The following KIAA0319 variants were observed in gnomAD, a reference collection of about 807,000 sequenced individuals.
KIAA0319 encodes the protein dyslexia-associated protein KIAA0319.
KIAA0319 carries 83 observed loss-of-function variants against 108.4 expected under a neutral mutation model. That is an observed-to-expected ratio of 0.77 (90% CI 0.64 to 0.92). The LOEUF is 0.92. Among genes scored for constraint, KIAA0319 ranks in the 40% least tolerant of loss-of-function variants. KIAA0319 has a pLI of 0.00. For missense variants in KIAA0319, 1,195 were observed against 1,322.4 expected (o/e 0.90, Z 1.49); for synonymous variants, 484 against 510.4 (o/e 0.95, Z 0.70).
intron 10 of KIAA0319, 57 bp downstream of exon 10, chr6:24,576,311 G>T: frequency 7.3e-7 from 1 of 1,378,018 alleles, no homozygotes; most frequent in Non-Finnish European, 1.0e-6. Context: ...ATAGCACATA[G>T]CTAGGTAGAC....
chr6:24,574,690 G>A (rs1056112016), intron 10 of KIAA0319, among the ~76,000 whole-genome samples: 2 of 152,022 alleles, frequency 1.3e-5, no homozygotes, highest in African/African-American at 4.8e-5. Context: ...ATGTTTCTAT[G>A]TGTATTTTTT....
intron 1 of KIAA0319, among the ~76,000 whole-genome samples, chr6:24,614,564 C>A (rs1772875400): frequency 6.6e-6 from 1 of 151,898 alleles, no homozygotes; most frequent in African/African-American, 2.4e-5. Context: ...GAAAAAAAAA[C>A]AATTAAATAT....
At chr6:24,581,661 G>C (rs1467585059) in intron 6 of KIAA0319, among the ~76,000 whole-genome samples, 1 of 152,192 alleles carries the variant, frequency 6.6e-6, no homozygotes, top group Admixed American at 6.5e-5. Flanking sequence ...TGCAAGGAGA[G>C]CAAGAGTTAC....
chr6:24,572,777 T>A, intron 10 of KIAA0319, 79 bp from the exon 11 acceptor site: 3 of 1,320,006 alleles, frequency 2.3e-6, no homozygotes, highest in Non-Finnish European at 3.0e-6. Flanking sequence ...TATGACAGAA[T>A]GAAAAACTAA....
intron 2 of KIAA0319, among the ~76,000 whole-genome samples, chr6:24,597,651 C>G (rs1433087744): frequency 2.6e-5 from 4 of 152,218 alleles, no homozygotes; most frequent in Middle Eastern, 3.4e-3. Flanking sequence ...GAACCTGTCG[C>G]CTATGTTTGT....
At chr6:24,644,548 G>T (rs1460412579) in intron 1 of KIAA0319, among the ~76,000 whole-genome samples, 1 of 151,298 alleles carries the variant, frequency 6.6e-6, no homozygotes. Context: ...AACGTATCAA[G>T]AATGTTAAGT....
Position 24,564,189 on chromosome 6 carries a change from C to T in KIAA0319, c.2431+13G>A, listed in dbSNP as rs376652269. On this transcript the variant is annotated intron_variant, in intron 15 of 20. Transcript: ENST00000378214. ...AGAGCCTGCATGGCCAGCTCCAGAG[C>T]CCAGGAACTCACCTGGCTGCACTTC... is the stretch of plus-strand genomic sequence containing the variant. The T allele has an allele frequency of 6.2e-7, 1 of 1,613,986 alleles. No individual in the cohort carries two copies. The highest frequency in any genetic ancestry group is 1.3e-5 in the African/African-American group (1 of 75,008).
chr6:24,572,031 A>C (rs1441778655), intron 11 of KIAA0319, among the ~76,000 whole-genome samples: 1 of 152,260 alleles, frequency 6.6e-6, no homozygotes, highest in Non-Finnish European at 1.5e-5. Context: ...TAAATAAATA[A>C]GTTGTCTATA....
At chr6:24,550,216 T>G (rs1302714605) in intron 20 of KIAA0319, among the ~76,000 whole-genome samples, 1 of 152,168 alleles carries the variant, frequency 6.6e-6, no homozygotes, top group Non-Finnish European at 1.5e-5. Context: ...TAGAACTCCT[T>G]GCACTCCAGT....
intron 6 of KIAA0319, 99 bp downstream of exon 6, chr6:24,582,150 A>G: frequency 1.4e-6 from 1 of 736,368 alleles, no homozygotes; most frequent in Non-Finnish European, 2.5e-6. Flanking sequence ...TGTCCCCAAA[A>G]AGAAGAAAGA....
At chr6:24,568,968 A>G in intron 12 of KIAA0319, 39 bp from the exon 13 acceptor site, 2 of 1,601,694 alleles carry the variant, frequency 1.2e-6, no homozygotes, top group Non-Finnish European at 1.7e-6. Context: ...GGGAGGGGGC[A>G]TGGGGTTTTG....
chr6:24,603,882 G>A (rs1755796753), intron 1 of KIAA0319, among the ~76,000 whole-genome samples: 1 of 152,064 alleles, frequency 6.6e-6, no homozygotes, highest in African/African-American at 2.4e-5. Context: ...AATGCACATA[G>A]GGGACTGCCG....
At chr6:24,625,613 A>C (rs1774603508) in intron 1 of KIAA0319, among the ~76,000 whole-genome samples, 1 of 152,222 alleles carries the variant, frequency 6.6e-6, no homozygotes. Flanking sequence ...AAGCATCCAG[A>C]TTGGAAAGGA....
intron 1 of KIAA0319, among the ~76,000 whole-genome samples, chr6:24,612,364 T>C (rs527830066): frequency 4.0e-4 from 61 of 151,278 alleles, no homozygotes; most frequent in African/African-American, 1.3e-3. Flanking sequence ...GGTAAGAGAC[T>C]CACTTGAGCC....
In KIAA0319 at chr6:24,612,660, C is replaced by T. The variant is rs1772506263; in HGVS notation, c.-105-11452G>A. 2.0e-5 allele frequency among the ~76,000 whole-genome samples: 3 copies of T among 152,148 alleles called. No individual in the cohort carries two copies. In the South Asian group the frequency reaches 6.2e-4, roughly 32 times the overall value. On this transcript the variant is annotated intron_variant, in intron 1 of 20. Coordinates refer to ENST00000378214, the MANE Select transcript of KIAA0319 (RefSeq NM_014809.4). ...GCAGAATGGTATATACAGTACTCAC[C>T]TCTTGTGGGAAAGCGAATGGGGTGG...
At position 24,581,030 on chromosome 6, in the gene KIAA0319, AGTT is replaced by A; in HGVS notation, c.1192-20_1192-18del. 6 of 1,531,154 alleles carry A rather than the reference AGTT, an allele frequency of 3.9e-6. No homozygotes were observed. Among genetic ancestry groups the A allele is most frequent in the Non-Finnish European group, 5.4e-6 (6 of 1,105,508 alleles). The allele number at this position is 1,531,154 out of a possible 1,614,324, so 94.8% of individuals were successfully genotyped here. On this transcript the variant is annotated intron_variant, in intron 6 of 20. Transcript: ENST00000378214. ...GACGGACAACTGTAACATAAAGAAA[AGTT>A]GTACAGTTCAACATGCAAGACGTGA...
At chr6:24,611,006 G>A (rs759046326) in intron 1 of KIAA0319, among the ~76,000 whole-genome samples, 41 of 152,098 alleles carry the variant, frequency 2.7e-4, no homozygotes, top group Non-Finnish European at 5.7e-4. Context: ...ATTATGCTAA[G>A]TGAAAGAAGC....
chr6:24,568,843 A>C lies in KIAA0319; in HGVS notation c.2078T>G (p.Leu693Trp). The C allele has an allele frequency of 6.2e-7, 1 of 1,614,182 alleles. No individual in the cohort carries two copies. Among genetic ancestry groups the C allele is most frequent in the East Asian group, 2.2e-5 (1 of 44,882 alleles). Reference sequence around the variant, plus strand: ...CAGTCCCTGCTGGTCTTTCACTGTCAAACGGAAGTGGTAGGTCCCCACCTG... The same window carrying C: ...CAGTCCCTGCTGGTCTTTCACTGTCCAACGGAAGTGGTAGGTCCCCACCTG... The part of the protein sequence containing the change: ...GLQVGTYHFR[L>W]TVKDQQGLSS... The change falls in exon 13 of 21, where the codon TTG (leucine) becomes TGG (tryptophan). Residue 693 changes from leucine (L) to tryptophan (W), a missense_variant. Physicochemically the swap from Leu to Trp is moderately conservative, Grantham distance 61 (BLOSUM62 -2). Transcript: ENST00000378214.
intron 1 of KIAA0319, among the ~76,000 whole-genome samples, chr6:24,628,815 C>T (rs941330262): frequency 2.6e-5 from 4 of 152,132 alleles, no homozygotes; most frequent in Admixed American, 6.5e-5. Context: ...TCTATTGTCA[C>T]ATGGAGCTCT....
Sources: allele counts gnomAD v4.1 joint callset (sites outside exome capture counted in the v4.1 genomes callset), GRCh38; gene constraint gnomAD v4.1.1; transcripts MANE v1.5; gene names NCBI Gene and HGNC (gene_info 2026-07-23, HGNC 2026-07-21).